Variants in CD55 observed in about 807,000 individuals in gnomAD.
The protein encoded by CD55 is CD55 molecule (Cromer blood group), also known as complement decay-accelerating factor.
Under a neutral mutation model 45.8 loss-of-function variants are expected in CD55, and 41 were observed. The observed-to-expected ratio is 0.90, with a 90% CI of 0.70 to 1.16. The LOEUF (loss-of-function observed/expected upper bound fraction) is 1.16, where lower values mean the gene tolerates loss of function less well. Ranked by LOEUF, CD55 falls within the 50% of genes most tolerant of loss-of-function variation. The pLI, the probability that CD55 is intolerant of heterozygous loss-of-function variation, is 0.00. For missense variants in CD55, 416 were observed against 469.8 expected (o/e 0.89, Z 1.06); for synonymous variants, 181 against 181.1 (o/e 1.00, Z 0.01).
In CD55 at chr1:207,342,534, C is replaced by T. The variant is rs1319826947; in HGVS notation, c.1081+3117C>T. Among the ~76,000 whole-genome samples, 6 of 152,080 alleles carry T rather than the reference C, an allele frequency of 3.9e-5. 1 individual carries two copies. Among genetic ancestry groups the T allele is most frequent in the Non-Finnish European group, 1.5e-5 (1 of 67,984 alleles). ...TATGTGTTGAATCATCCTTGCATCCCTGGTCGAAATCCCACTTGGTCTTGG... is the reference window on the plus strand; with the variant it reads ...TATGTGTTGAATCATCCTTGCATCCTTGGTCGAAATCCCACTTGGTCTTGG... On this transcript the variant is annotated intron_variant, in intron 9 of 9. Transcript: ENST00000367064.
intron 9 of CD55, among the ~76,000 whole-genome samples, chr1:207,349,445 A>G (rs1655780270): frequency 6.6e-6 from 1 of 152,132 alleles, no homozygotes; most frequent in African/African-American, 2.4e-5. Context: ...AGCCTTGCAA[A>G]GTGCTGGGAT....
At chr1:207,353,975 A>C (rs1286299366) in intron 9 of CD55, 1 of 1,525,858 alleles carries the variant, frequency 6.6e-7, no homozygotes, top group African/African-American at 1.4e-5. Flanking sequence ...TTTTGTTTTC[A>C]TAGCACATGC....
At chr1:207,353,300 TGA>T (rs1655954773) in intron 9 of CD55, among the ~76,000 whole-genome samples, 1 of 152,132 alleles carries the variant, frequency 6.6e-6, no homozygotes, top group South Asian at 2.1e-4. Flanking sequence ...AGTCCTATAC[TGA>T]GACATTCATA....
chr1:207,330,934 C>T (rs1654914770), intron 5 of CD55, among the ~76,000 whole-genome samples, 174 bp from the exon 6 acceptor site: 1 of 152,212 alleles, frequency 6.6e-6, no homozygotes. Flanking sequence ...AAAGCTCCCA[C>T]ATACTACCAA....
chr1:207,356,933 CTT>C (rs1300636079), intron 9 of CD55, among the ~76,000 whole-genome samples: 2 of 152,144 alleles, frequency 1.3e-5, no homozygotes, highest in African/African-American at 4.8e-5. Flanking sequence ...TTTATACAAA[CTT>C]GAGTTATTTC....
chr1:207,359,516 C>CTTTTTTTTTTT (rs56236833), intron 9 of CD55, 30 bp from the exon 10 acceptor site: 35 of 1,284,858 alleles, frequency 2.7e-5, no homozygotes, highest in Admixed American at 1.2e-4. Context: ...TTGATTTTAA[C>CTTTTTTTTTTT]TTTTTTTTTT....
chr1:207,325,160 C>T (rs772869413), intron 3 of CD55, among the ~76,000 whole-genome samples: 25 of 151,822 alleles, frequency 1.6e-4, no homozygotes, highest in South Asian at 2.1e-4. Context: ...CATGATGAAA[C>T]CCTGACTCTA....
chr1:207,321,834 G>A lies in CD55; in HGVS notation c.69G>A (p.Leu23=), dbSNP rs1327488422. 1 of 1,530,020 alleles carries A rather than the reference G, an allele frequency of 6.5e-7. No individual in the cohort carries two copies. Among genetic ancestry groups the A allele is most frequent in the Non-Finnish European group, 8.7e-7 (1 of 1,144,038 alleles). The allele number at this position is 1,530,020 out of a possible 1,614,324, so 94.8% of individuals were successfully genotyped here. A position where few individuals can be genotyped will look rare whatever the true frequency, so the allele number is the denominator to read the frequency against. ...TCGGGGAGCTGCCCCGGCTGCTGCTGCTGGTGCTGTTGTGCCTGCCGGCCG... is the reference window on the plus strand; with the variant it reads ...TCGGGGAGCTGCCCCGGCTGCTGCTACTGGTGCTGTTGTGCCTGCCGGCCG... The part of the protein sequence containing the change: ...PLLGELPRLL[L]LVLLCLPAVW... Residue 23 remains leucine (L), a synonymous_variant, in exon 1 of 10, where the codon CTG becomes CTA. Transcript: ENST00000367064.
chr1:207,325,014 A>C (rs553713106), intron 3 of CD55, among the ~76,000 whole-genome samples: 1 of 152,160 alleles, frequency 6.6e-6, no homozygotes, highest in Non-Finnish European at 1.5e-5. Context: ...CTTTTTCAAA[A>C]CTTATTATAA....
intron 6 of CD55, among the ~76,000 whole-genome samples, chr1:207,335,873 CAAT>C (rs2102405314): frequency 6.6e-6 from 1 of 152,250 alleles, no homozygotes; most frequent in East Asian, 1.9e-4. Flanking sequence ...AATCCTTCCT[CAAT>C]AATAATTACT....
At chr1:207,335,875 A>G (rs558227915) in intron 6 of CD55, among the ~76,000 whole-genome samples, 2 of 152,122 alleles carry the variant, frequency 1.3e-5, no homozygotes, top group Non-Finnish European at 2.9e-5. Flanking sequence ...TCCTTCCTCA[A>G]TAATAATTAC....
At position 207,326,716 on chromosome 1, in the gene CD55, T is replaced by C. The variant is rs200000572; in HGVS notation, c.579-36T>C. On this transcript the variant is annotated intron_variant, in intron 4 of 9. Transcript: ENST00000367064. ...TTGAGGAAAGTCAAATATGTGTGAATGTAACAAACTCTTTTTTCTTCCCCT... is the reference window on the plus strand; with the variant it reads ...TTGAGGAAAGTCAAATATGTGTGAACGTAACAAACTCTTTTTTCTTCCCCT... The C allele has an allele frequency of 1.3e-4, 190 of 1,470,440 alleles. No individual in the cohort carries two copies. In the African/African-American group the frequency reaches 2.3e-3, roughly 18 times the overall value. The allele number at this position is 1,470,440 out of a possible 1,614,324, so 91.1% of individuals were successfully genotyped here.
Position 207,354,209 on chromosome 1 carries a change from T to G in CD55, c.1082-5337T>G, listed in dbSNP as rs1406886727. 3.1e-6 allele frequency: 4 copies of G among 1,291,884 alleles called. No homozygotes were observed. In the East Asian group the frequency reaches 1.2e-4, roughly 38 times the overall value. 80.0% of individuals were successfully genotyped at this position (1,291,884 alleles called of 1,614,324 possible). A position where few individuals can be genotyped will look rare whatever the true frequency, so the allele number is the denominator to read the frequency against. On this transcript the variant is annotated intron_variant, in intron 9 of 9. Coordinates refer to ENST00000367064, the MANE Select transcript of CD55 (RefSeq NM_000574.5). ...TTTGTTTGATGAATATCAGGTATTT[T>G]ATTGAAAATATTTCAAACAGTTAAA... is the stretch of plus-strand genomic sequence containing the variant.
intron 9 of CD55, among the ~76,000 whole-genome samples, chr1:207,351,203 A>G (rs1012138872): frequency 2.6e-5 from 4 of 152,168 alleles, no homozygotes; most frequent in Non-Finnish European, 5.9e-5. Context: ...CTGTGGCCTA[A>G]GAGTATGGTT....
At chr1:207,341,137 G>A (rs1655409418) in intron 9 of CD55, among the ~76,000 whole-genome samples, 1 of 152,090 alleles carries the variant, frequency 6.6e-6, no homozygotes, top group Non-Finnish European at 1.5e-5. Context: ...TCGCTAGTAA[G>A]TTGAGTTCGT....
At chr1:207,346,154 G>T (rs1338171481) in intron 9 of CD55, among the ~76,000 whole-genome samples, 1 of 152,220 alleles carries the variant, frequency 6.6e-6, no homozygotes, top group Non-Finnish European at 1.5e-5. Context: ...CAACCCTGTG[G>T]GACACAAGCA....
At chr1:207,344,952 G>T (rs1019724011) in intron 9 of CD55, among the ~76,000 whole-genome samples, 1 of 152,104 alleles carries the variant, frequency 6.6e-6, no homozygotes, top group African/African-American at 2.4e-5. Context: ...CTGACCTCAG[G>T]TGATCCACCT....
chr1:207,359,889 G>A lies in CD55; in HGVS notation c.*279G>A, dbSNP rs560350919. ...TGTAAGAAAGCATAGAGATTTGTTC[G>A]TATTTAGAATGGGATCACGAGGAAA... On this transcript the variant is annotated 3_prime_UTR_variant, in exon 10 of 10. Coordinates refer to ENST00000367064, the MANE Select transcript of CD55 (RefSeq NM_000574.5). 3.9e-5 allele frequency: 12 copies of A among 310,614 alleles called. No homozygotes were observed. Among genetic ancestry groups the A allele is most frequent in the East Asian group, 3.1e-4 (6 of 19,466 alleles). 19.2% of individuals were successfully genotyped at this position (310,614 alleles called of 1,614,324 possible).
At chr1:207,359,131 C>T (rs1460952907) in intron 9 of CD55, among the ~76,000 whole-genome samples, 1 of 152,084 alleles carries the variant, frequency 6.6e-6, no homozygotes, top group Non-Finnish European at 1.5e-5. Context: ...ACAAAAATAA[C>T]TTGGTGTAAA....
Sources: allele counts gnomAD v4.1 joint callset (sites outside exome capture counted in the v4.1 genomes callset), GRCh38; gene constraint gnomAD v4.1.1; transcripts MANE v1.5; gene names NCBI Gene and HGNC (gene_info 2026-07-23, HGNC 2026-07-21).